The following IQGAP2 variants were observed in gnomAD, a reference collection of about 807,000 sequenced individuals.
IQGAP2 encodes ras GTPase-activating-like protein IQGAP2.
In IQGAP2, 173 loss-of-function variants were observed where a neutral mutation model predicts 201.3. The observed-to-expected ratio is 0.86, with a 90% CI of 0.76 to 0.98. The LOEUF is 0.98. IQGAP2 is among the 50% of genes least tolerant of loss of function. IQGAP2 has a pLI of 0.00. For missense variants in IQGAP2, 1,687 were observed against 1,864.8 expected (o/e 0.90, Z 1.76); for synonymous variants, 675 against 673.9 (o/e 1.00, Z -0.03).
In IQGAP2 at chr5:76,611,060, A is replaced by G. The variant is rs573835276; in HGVS notation, c.1398A>G (p.Glu466=). The change falls in exon 13 of 36, where the codon GAA becomes GAG. Residue 466 remains glutamate (E), a synonymous_variant. Coordinates refer to ENST00000274364, the MANE Select transcript of IQGAP2 (RefSeq NM_006633.5). ...GGTACATCAATGAAGCTATTGATGA[A>G]GGGAATCCTTTGAGGACTTTAGAAA... ...AVGYINEAID[E]GNPLRTLETL... The G allele has an allele frequency of 1.6e-5, 26 of 1,613,854 alleles. No homozygotes were observed. The highest frequency in any genetic ancestry group is 2.1e-5 in the Non-Finnish European group (25 of 1,179,824).
chr5:76,504,180 G>A (rs866305201), intron 2 of IQGAP2, among the ~76,000 whole-genome samples: 7 of 152,124 alleles, frequency 4.6e-5, no homozygotes, highest in East Asian at 1.9e-4. Context: ...ATCAGTGAGC[G>A]TGTTCCTTTC....
intron 1 of IQGAP2, among the ~76,000 whole-genome samples, chr5:76,429,042 G>T (rs1271652260): frequency 1.4e-5 from 2 of 144,648 alleles, no homozygotes; most frequent in African/African-American, 2.5e-5. Flanking sequence ...TTGTGCCATT[G>T]TACTAGAGCC....
chr5:76,515,175 G>A (rs1009614960), intron 2 of IQGAP2, among the ~76,000 whole-genome samples: 1 of 152,180 alleles, frequency 6.6e-6, no homozygotes, highest in Non-Finnish European at 1.5e-5. Flanking sequence ...TGCAAAAGAA[G>A]GGCACGTACT....
intron 30 of IQGAP2, among the ~76,000 whole-genome samples, chr5:76,686,584 A>T (rs1745778910): frequency 6.6e-6 from 1 of 152,104 alleles, no homozygotes; most frequent in African/African-American, 2.4e-5. Context: ...ATCTCGGGTC[A>T]CTGCAAGCTC....
At chr5:76,507,252 G>A (rs1161063106) in intron 2 of IQGAP2, among the ~76,000 whole-genome samples, 1 of 152,186 alleles carries the variant, frequency 6.6e-6, no homozygotes, top group Non-Finnish European at 1.5e-5. Context: ...GAGCAAAGGT[G>A]TGATACAAGG....
At chr5:76,549,320 AGTGTGTGT>A (rs35060845) in intron 2 of IQGAP2, among the ~76,000 whole-genome samples, 12 of 147,730 alleles carry the variant, frequency 8.1e-5, no homozygotes, top group South Asian at 4.3e-4. Flanking sequence ...CGAGCTCTGG[AGTGTGTGT>A]GTGTGTGTGT....
At chr5:76,570,450 T>G in intron 3 of IQGAP2, 130 bp from the exon 4 acceptor site, 1 of 680,298 alleles carries the variant, frequency 1.5e-6, no homozygotes, top group South Asian at 1.8e-5. Flanking sequence ...TTGCTTTATG[T>G]GAACATTAAT....
chr5:76,582,636 G>T (rs186846329), intron 5 of IQGAP2, among the ~76,000 whole-genome samples: 43 of 152,246 alleles, frequency 2.8e-4, no homozygotes, highest in Non-Finnish European at 2.9e-5. Flanking sequence ...ATTTCATTAC[G>T]ATAGTACCTT....
At chr5:76,412,259 G>T (rs532120029) in intron 1 of IQGAP2, among the ~76,000 whole-genome samples, 1 of 152,200 alleles carries the variant, frequency 6.6e-6, no homozygotes, top group Admixed American at 6.5e-5. Flanking sequence ...CTAATTGGTT[G>T]TTCTTTCTCT....
In IQGAP2 at chr5:76,642,950, A is replaced by G. The variant is rs140548969; in HGVS notation, c.2094+1847A>G. On this transcript the variant is annotated intron_variant, in intron 17 of 35. Coordinates refer to ENST00000274364, the MANE Select transcript of IQGAP2 (RefSeq NM_006633.5). ...GCCCAGGTCAATATAGAGGAAGTCA[A>G]GGAGAATCTACATAGCCATATTATT... 1.1e-3 allele frequency among the ~76,000 whole-genome samples: 160 copies of G among 152,330 alleles called. 1 individual carries two copies. The highest frequency in any genetic ancestry group is 3.6e-3 in the African/African-American group (149 of 41,584).
At chr5:76,609,859 G>C (rs1394375629) in intron 12 of IQGAP2, among the ~76,000 whole-genome samples, 2 of 150,900 alleles carry the variant, frequency 1.3e-5, no homozygotes, top group East Asian at 3.9e-4. Context: ...GTGTGTGTGT[G>C]TGTGTGTCTG....
In IQGAP2 at chr5:76,671,939, C is replaced by T. The variant is rs762947055; in HGVS notation, c.3024C>T (p.Tyr1008=). 2.5e-6 allele frequency: 4 copies of T among 1,614,048 alleles called. No individual in the cohort carries two copies. Among genetic ancestry groups the T allele is most frequent in the Non-Finnish European group, 3.4e-6 (4 of 1,179,966 alleles). ...LIINTNPVEV[Y]KAWVNQLETQ... is the part of the protein sequence containing the mutation. ...TCAACACAAACCCTGTAGAGGTGTA[C>T]AAGGCTTGGGTGAACCAACTAGAAA... Residue 1008 remains tyrosine (Y), a synonymous_variant, in exon 24 of 36, where the codon TAC becomes TAT. Coordinates refer to ENST00000274364, the MANE Select transcript of IQGAP2 (RefSeq NM_006633.5).
chr5:76,665,235 G>A lies in IQGAP2; in HGVS notation c.2679+60G>A, dbSNP rs947966569. On this transcript the variant is annotated intron_variant, in intron 22 of 35. Coordinates refer to ENST00000274364, the MANE Select transcript of IQGAP2 (RefSeq NM_006633.5). ...AGTAATACTATGTTACATGTTTGTG[G>A]CTTACAGGGAGTATTTTGTCATGCT... 1.1e-5 allele frequency: 16 copies of A among 1,440,212 alleles called. No individual in the cohort carries two copies. In the African/African-American group the frequency reaches 2.3e-4, roughly 20 times the overall value. The allele number at this position is 1,440,212 out of a possible 1,614,324, so 89.2% of individuals were successfully genotyped here.
At chr5:76,432,128 C>CTT (rs70982606) in intron 1 of IQGAP2, among the ~76,000 whole-genome samples, 11 of 95,322 alleles carry the variant, frequency 1.2e-4, no homozygotes, top group African/African-American at 3.8e-4. Context: ...TTTCTTTCTT[C>CTT]TTTTTTTTTT....
chr5:76,652,897 A>T, intron 18 of IQGAP2, 64 bp downstream of exon 18: 1 of 1,066,382 alleles, frequency 9.4e-7, no homozygotes, highest in South Asian at 1.3e-5. Context: ...TTCATGTTTA[A>T]TCTGAAAGAC....
intron 1 of IQGAP2, among the ~76,000 whole-genome samples, chr5:76,412,401 A>T (rs950658134): frequency 6.6e-6 from 1 of 152,146 alleles, no homozygotes; most frequent in Non-Finnish European, 1.5e-5. Context: ...CTTGGGCCCA[A>T]GAGATCCTCC....
At chr5:76,675,702 A>G (rs1004274931) in intron 27 of IQGAP2, among the ~76,000 whole-genome samples, 1 of 152,154 alleles carries the variant, frequency 6.6e-6, no homozygotes, top group Non-Finnish European at 1.5e-5. Flanking sequence ...CTCATTTCTC[A>G]TTCCTCGGTC....
chr5:76,496,749 C>CTTTCTTTCTTTCTTTCTTTTCT (rs1561416365), intron 2 of IQGAP2, among the ~76,000 whole-genome samples: 1 of 60,470 alleles, frequency 1.7e-5, no homozygotes, highest in Admixed American at 1.7e-4. Flanking sequence ...TTCTTTCTTT[C>CTTTCTTTCTTTCTTTCTTTTCT]TTTCTTTCTT....
intron 2 of IQGAP2, among the ~76,000 whole-genome samples, chr5:76,467,756 C>T (rs772681804): frequency 7.9e-5 from 12 of 152,054 alleles, no homozygotes; most frequent in Admixed American, 1.3e-4. Context: ...CACTGATAAA[C>T]GGTGATGTAT....
Sources: allele counts gnomAD v4.1 joint callset (sites outside exome capture counted in the v4.1 genomes callset), GRCh38; gene constraint gnomAD v4.1.1; transcripts MANE v1.5; gene names NCBI Gene and HGNC (gene_info 2026-07-23, HGNC 2026-07-21).